The following GPHN variants were observed in gnomAD, a reference collection of about 807,000 sequenced individuals.
GPHN encodes gephyrin.
A neutral mutation model predicts 95.5 loss-of-function variants in GPHN; 17 were observed. The observed-to-expected ratio is 0.18, with a 90% CI of 0.12 to 0.27. The LOEUF is 0.27. Among genes scored for constraint, GPHN ranks in the 10% least tolerant of loss-of-function variants. The probability of loss-of-function intolerance (pLI) is 1.00; values close to 1 mark genes in which losing one functional copy is unlikely to be tolerated. For missense variants in GPHN, 660 were observed against 978.1 expected, an observed-to-expected ratio of 0.67 and a Z score of 4.34; for synonymous variants, 320 against 322.5, an observed-to-expected ratio of 0.99 and a Z score of 0.08.
At chr14:67,231,194 T>C in the GPHN span, among the ~76,000 whole-genome samples, 1 of 152,352 alleles carries the variant, frequency 6.6e-6, no homozygotes, top group Non-Finnish European at 1.5e-5. Context: ...TAATTCCTTT[T>C]ATATGAAGAT....
chr14:67,701,579 A>T, the GPHN span, among the ~76,000 whole-genome samples: 1 of 151,848 alleles, frequency 6.6e-6, no homozygotes. Context: ...ATGCGCCACC[A>T]TACCTGGCTA....
intron 1 of GPHN, among the ~76,000 whole-genome samples, chr14:66,576,030 G>A (rs893615157): frequency 1.1e-4 from 16 of 152,128 alleles, no homozygotes; most frequent in African/African-American, 3.6e-4. Flanking sequence ...AGTGGGCCCA[G>A]CACTGGGATC....
chr14:67,011,509 G>A (rs748891875), intron 9 of GPHN, among the ~76,000 whole-genome samples: 12 of 148,666 alleles, frequency 8.1e-5, no homozygotes, highest in Non-Finnish European at 1.2e-4. Context: ...AGGAGGTTGA[G>A]GCTGCAATGA....
chr14:66,623,888 G>C (rs1374820879), intron 1 of GPHN, among the ~76,000 whole-genome samples: 1 of 152,144 alleles, frequency 6.6e-6, no homozygotes, highest in African/African-American at 2.4e-5. Context: ...AGATGAAGGG[G>C]AAGAGCTACC....
chr14:67,348,176 G>GT, the GPHN span, among the ~76,000 whole-genome samples: 1 of 151,990 alleles, frequency 6.6e-6, no homozygotes, highest in Non-Finnish European at 1.5e-5. Context: ...CTGGGTCCAA[G>GT]TGAGTCTCCT....
chr14:67,365,095 C>A, the GPHN span: 4 of 1,353,212 alleles, frequency 3.0e-6, no homozygotes, highest in South Asian at 1.6e-5. Flanking sequence ...CAAGCTGCAG[C>A]TTAAAAAAAA....
chr14:66,904,541 T>C (rs988569380), intron 5 of GPHN, among the ~76,000 whole-genome samples: 1 of 152,196 alleles, frequency 6.6e-6, no homozygotes, highest in Non-Finnish European at 1.5e-5. Flanking sequence ...TGGTGCATTT[T>C]ACAATCCTCT....
the GPHN span, among the ~76,000 whole-genome samples, chr14:67,407,607 ATTATT>A: frequency 2.6e-5 from 4 of 151,508 alleles, no homozygotes; most frequent in Middle Eastern, 3.2e-3. Flanking sequence ...TGACTGGCTA[ATTATT>A]TTATTTTTTG....
the GPHN span, among the ~76,000 whole-genome samples, chr14:67,367,846 AAGAG>A: frequency 1.3e-5 from 2 of 152,086 alleles, no homozygotes; most frequent in Admixed American, 6.5e-5. Context: ...AAAAAAAAAA[AAGAG>A]AGAGGTGAAG....
chr14:67,412,924 G>C, the GPHN span, among the ~76,000 whole-genome samples: 1 of 151,972 alleles, frequency 6.6e-6, no homozygotes, highest in Non-Finnish European at 1.5e-5. Flanking sequence ...ACCATGCCTG[G>C]CTGGTTTATT....
the GPHN span, among the ~76,000 whole-genome samples, chr14:67,523,322 CAA>C: frequency 4.4e-3 from 568 of 128,746 alleles, 2 homozygotes; most frequent in African/African-American, 0.015. Flanking sequence ...GACTCCATCT[CAA>C]AAAAAAAAAA....
chr14:67,443,048 C>T, the GPHN span, among the ~76,000 whole-genome samples: 1 of 151,816 alleles, frequency 6.6e-6, no homozygotes, highest in Non-Finnish European at 1.5e-5. Context: ...TGGTAAAACC[C>T]TGTCTCTGCA....
the GPHN span, chr14:67,376,300 T>A: frequency 6.9e-6 from 6 of 873,798 alleles, no homozygotes; most frequent in Non-Finnish European, 8.4e-6. Context: ...TTATACCCAC[T>A]TAAAGTGAGT....
the GPHN span, among the ~76,000 whole-genome samples, chr14:67,584,391 C>A: frequency 6.6e-6 from 1 of 152,204 alleles, no homozygotes; most frequent in African/African-American, 2.4e-5. Context: ...GAAATAACAG[C>A]CCTCTCAAGA....
At chr14:67,412,015 C>T in the GPHN span, 1 of 1,552,616 alleles carries the variant, frequency 6.4e-7, no homozygotes, top group South Asian at 1.2e-5. Flanking sequence ...GACGCGCACT[C>T]ACCCTCTTGA....
the GPHN span, among the ~76,000 whole-genome samples, chr14:67,469,339 C>A: frequency 1.4e-5 from 2 of 143,650 alleles, no homozygotes; most frequent in Admixed American, 1.4e-4. Context: ...TACAGTGGTG[C>A]AATCATAGCT....
At chr14:66,921,724 T>C (rs371098486) in intron 6 of GPHN, among the ~76,000 whole-genome samples, 26 of 152,256 alleles carry the variant, frequency 1.7e-4, no homozygotes, top group African/African-American at 6.0e-4. Context: ...GAAATTCATA[T>C]GGCACCAAAA....
chr14:67,029,049 A>G (rs1210816961), intron 10 of GPHN, among the ~76,000 whole-genome samples: 1 of 152,148 alleles, frequency 6.6e-6, no homozygotes, highest in Non-Finnish European at 1.5e-5. Context: ...TATATAATAA[A>G]AGATAGGCGT....
chr14:66,768,337 C>A (rs1175858936), intron 2 of GPHN, among the ~76,000 whole-genome samples: 2 of 151,778 alleles, frequency 1.3e-5, no homozygotes, highest in African/African-American at 4.8e-5. Context: ...GAATAGATTA[C>A]CAGATGATTA....
Sources: gnomAD v4.1 joint callset for allele counts (sites outside exome capture counted in the v4.1 genomes callset) on GRCh38, gnomAD v4.1.1 for gene constraint, MANE v1.5 for transcripts, NCBI Gene and HGNC (gene_info 2026-07-23, HGNC 2026-07-21) for gene names.